The following NKAIN3 variants were observed in gnomAD, a reference collection of about 807,000 sequenced individuals.
The protein encoded by NKAIN3 is sodium/potassium transporting ATPase interacting 3.
NKAIN3 carries 25 observed loss-of-function variants against 30.2 expected under a neutral mutation model. The ratio of observed to expected loss-of-function variants is 0.83; its 90% CI spans 0.60 to 1.16. The LOEUF (loss-of-function observed/expected upper bound fraction) is 1.16. Among genes scored for constraint, NKAIN3 ranks in the 50% most tolerant of loss-of-function variants. NKAIN3 has a pLI of 0.00. For missense variants in NKAIN3, 225 were observed against 254.1 expected (o/e 0.89, Z 0.78); for synonymous variants, 91 against 89.6 (o/e 1.02, Z -0.09).
chr8:62,335,045 C>T (rs1179076128), intron 1 of NKAIN3, among the ~76,000 whole-genome samples: 1 of 152,046 alleles, frequency 6.6e-6, no homozygotes, highest in African/African-American at 2.4e-5. Flanking sequence ...ATAGTCAGAG[C>T]ATACCTTCAG....
chr8:62,306,573 TGTG>T (rs767243409), intron 1 of NKAIN3, among the ~76,000 whole-genome samples: 1 of 140,926 alleles, frequency 7.1e-6, no homozygotes, highest in East Asian at 2.1e-4. Flanking sequence ...TGTGTGTGTG[TGTG>T]TTGTGTGTGT....
chr8:62,743,096 C>T (rs1481390862), intron 3 of NKAIN3, among the ~76,000 whole-genome samples: 2 of 152,158 alleles, frequency 1.3e-5, no homozygotes, highest in Non-Finnish European at 2.9e-5. Flanking sequence ...AACTACAATT[C>T]AAGATGAGAT....
intron 5 of NKAIN3, among the ~76,000 whole-genome samples, chr8:62,943,390 T>C (rs958648400): frequency 2.6e-5 from 4 of 151,994 alleles, no homozygotes; most frequent in African/African-American, 9.7e-5. Context: ...CAAAAAAGAA[T>C]AGATGTTGGC....
intron 4 of NKAIN3, among the ~76,000 whole-genome samples, chr8:62,883,457 G>GTTGTTGTTGTTTTTTTTTTTTTTTT: frequency 2.8e-5 from 2 of 70,232 alleles, no homozygotes; most frequent in Admixed American, 1.9e-4. Context: ...AGTTTTATGG[G>GTTGTTGTTGTTTTTTTTTTTTTTTT]TTTTTTTTTT....
At chr8:62,449,814 G>A (rs1805588529) in intron 1 of NKAIN3, among the ~76,000 whole-genome samples, 2 of 152,112 alleles carry the variant, frequency 1.3e-5, no homozygotes, top group African/African-American at 4.8e-5. Context: ...ACACTTCGGT[G>A]TGGGCCGGAA....
chr8:62,651,738 T>C (rs549978685), intron 3 of NKAIN3, among the ~76,000 whole-genome samples: 1 of 152,252 alleles, frequency 6.6e-6, no homozygotes, highest in South Asian at 2.1e-4. Context: ...ATCATGGGGT[T>C]GGATCCCTCA....
intron 1 of NKAIN3, among the ~76,000 whole-genome samples, chr8:62,510,060 A>T (rs932094482): frequency 6.6e-6 from 1 of 152,096 alleles, no homozygotes; most frequent in African/African-American, 2.4e-5. Context: ...AGAAAACCTC[A>T]TGAAGGAAGT....
intron 1 of NKAIN3, chr8:62,344,810 A>C (rs1815877285): frequency 2.3e-6 from 1 of 427,132 alleles, no homozygotes; most frequent in Admixed American, 2.6e-5. Context: ...GTTCCATATG[A>C]ATTTTAAATT....
At chr8:62,450,938 C>T (rs1437569761) in intron 1 of NKAIN3, among the ~76,000 whole-genome samples, 1 of 152,138 alleles carries the variant, frequency 6.6e-6, no homozygotes, top group Admixed American at 6.5e-5. Flanking sequence ...AAGTGAGGAA[C>T]AGATACAGTG....
chr8:62,931,051 T>G (rs1822605835), intron 5 of NKAIN3, among the ~76,000 whole-genome samples: 1 of 152,236 alleles, frequency 6.6e-6, no homozygotes, highest in South Asian at 2.1e-4. Flanking sequence ...TCTACATTCC[T>G]TTAAATAATC....
intron 1 of NKAIN3, among the ~76,000 whole-genome samples, chr8:62,272,052 A>C (rs1221172842): frequency 6.6e-6 from 1 of 152,218 alleles, no homozygotes; most frequent in Non-Finnish European, 1.5e-5. Context: ...GTAGAATCAT[A>C]GATTCTACCA....
intron 1 of NKAIN3, among the ~76,000 whole-genome samples, chr8:62,389,631 G>A (rs545180704): frequency 6.6e-6 from 1 of 152,334 alleles, no homozygotes; most frequent in East Asian, 1.9e-4. Context: ...AACTGAGTAA[G>A]TTTGTGGATC....
At chr8:62,574,214 A>G (rs1225383399) in intron 1 of NKAIN3, among the ~76,000 whole-genome samples, 1 of 152,136 alleles carries the variant, frequency 6.6e-6, no homozygotes, top group Non-Finnish European at 1.5e-5. Flanking sequence ...GATACAAATG[A>G]CAGGATCTTA....
At chr8:62,595,076 A>C (rs547734055) in intron 3 of NKAIN3, among the ~76,000 whole-genome samples, 66 of 152,036 alleles carry the variant, frequency 4.3e-4, no homozygotes, top group Non-Finnish European at 8.1e-4. Context: ...TTTTCTTATT[A>C]TTGTTGAGAT....
Position 62,671,953 on chromosome 8 carries a change from A to G in NKAIN3, c.274-74979A>G, listed in dbSNP as rs552750539. 6.6e-5 allele frequency among the ~76,000 whole-genome samples: 10 copies of G among 152,248 alleles called. No homozygotes were observed. The East Asian group carries it at 1.9e-3, about 29-fold the overall frequency. ...GTCTGACTGGTCTGGATTAGCTCAC[A>G]TGCCCACCGGAAACCAATCACTGTA... On this transcript the variant is annotated intron_variant, in intron 3 of 6. Transcript: ENST00000623646.
chr8:62,803,326 A>G (rs1168384450), intron 4 of NKAIN3, among the ~76,000 whole-genome samples: 1 of 152,266 alleles, frequency 6.6e-6, no homozygotes, highest in Non-Finnish European at 1.5e-5. Flanking sequence ...TTTCAGCACC[A>G]CACCACACCT....
chr8:62,550,859 G>C (rs923023053), intron 1 of NKAIN3, among the ~76,000 whole-genome samples: 1 of 152,152 alleles, frequency 6.6e-6, no homozygotes, highest in African/African-American at 2.4e-5. Flanking sequence ...CAAATTCCTA[G>C]TATATTTCTA....
intron 5 of NKAIN3, among the ~76,000 whole-genome samples, chr8:62,931,879 C>A (rs1224705671): frequency 6.6e-6 from 1 of 152,118 alleles, no homozygotes; most frequent in Non-Finnish European, 1.5e-5. Context: ...CCATTTGCTT[C>A]TTTTAATCAT....
chr8:62,899,534 A>G (rs1282558713), intron 4 of NKAIN3, among the ~76,000 whole-genome samples: 1 of 152,176 alleles, frequency 6.6e-6, no homozygotes, highest in Admixed American at 6.6e-5. Flanking sequence ...GTGGGATCTA[A>G]AAATCAAACT....
Sources: allele counts gnomAD v4.1 joint callset (sites outside exome capture counted in the v4.1 genomes callset), GRCh38; gene constraint gnomAD v4.1.1; transcripts MANE v1.5; gene names NCBI Gene and HGNC (gene_info 2026-07-23, HGNC 2026-07-21).